The following SPECC1 variants were observed in gnomAD, a reference collection of about 807,000 sequenced individuals.
SPECC1 encodes the protein sperm antigen with calponin homology and coiled-coil domains 1, also known as cytospin-B.
In SPECC1, 62 loss-of-function variants were observed where a neutral mutation model predicts 104.1. The ratio of observed to expected loss-of-function variants is 0.60; its 90% CI spans 0.49 to 0.74. The LOEUF (loss-of-function observed/expected upper bound fraction) is 0.74. Ranked by LOEUF, SPECC1 falls within the 30% of genes least tolerant of loss-of-function variation. SPECC1 has a pLI of 0.00. For missense variants in SPECC1, 1,306 were observed against 1,310.5 expected, an observed-to-expected ratio of 1.00 and a Z score of 0.05; for synonymous variants, 513 against 501.6, an observed-to-expected ratio of 1.02 and a Z score of -0.30.
intron 14 of SPECC1, among the ~76,000 whole-genome samples, chr17:20,308,439 A>C (rs1041060846): frequency 1.8e-4 from 27 of 149,674 alleles, no homozygotes; most frequent in African/African-American, 6.2e-4. Flanking sequence ...CATGTGGGGA[A>C]TCTGAGAAAT....
At chr17:20,193,660 C>T (rs2035818037) in intron 3 of SPECC1, among the ~76,000 whole-genome samples, 1 of 152,154 alleles carries the variant, frequency 6.6e-6, no homozygotes, top group Non-Finnish European at 1.5e-5. Context: ...TTTAAGAAAA[C>T]ATTCAGTAAG....
rs371855748 is a variant in SPECC1, at chr17:20,216,262, T to C, written c.1863+10350T>C. Among the ~76,000 whole-genome samples, 39 of 151,642 alleles carry C rather than the reference T, an allele frequency of 2.6e-4. No homozygotes were observed. The East Asian group carries it at 5.3e-3, about 20-fold the overall frequency. ...TTAATATCTGCAGTCGGGGAGAGCA[T>C]CCCCCCCACCCCCAAGCACTTCCTC... is the stretch of plus-strand genomic sequence containing the variant. On this transcript the variant is annotated intron_variant, in intron 4 of 14. Coordinates refer to ENST00000395527, the MANE Select transcript of SPECC1 (RefSeq NM_001243439.2).
chr17:20,111,806 CAG>C, intron 3 of SPECC1: 2 of 770,866 alleles, frequency 2.6e-6, no homozygotes, highest in South Asian at 1.4e-5. Context: ...ACTCAGGACC[CAG>C]GGGGGGGGCA....
chr17:20,261,741 T>A (rs2526467), intron 12 of SPECC1, among the ~76,000 whole-genome samples: 107,814 of 152,208 alleles, frequency 0.71, 39,995 homozygotes, highest in East Asian at 0.99. Context: ...TTTCTGTGAA[T>A]ATCAGAAAAG....
chr17:20,224,375 G>A (rs1383460723), intron 4 of SPECC1, among the ~76,000 whole-genome samples: 1 of 152,146 alleles, frequency 6.6e-6, no homozygotes, highest in African/African-American at 2.4e-5. Flanking sequence ...CAAGGCCCAA[G>A]GGCCGTTTAA....
At chr17:20,093,936 G>A (rs1050259877) in intron 1 of SPECC1, among the ~76,000 whole-genome samples, 15 of 151,722 alleles carry the variant, frequency 9.9e-5, no homozygotes, top group Non-Finnish European at 1.3e-4. Flanking sequence ...TCACCATGTT[G>A]CCCAGGCTGG....
At chr17:20,046,026 A>G (rs200728513) in intron 1 of SPECC1, among the ~76,000 whole-genome samples, 2 of 149,596 alleles carry the variant, frequency 1.3e-5, no homozygotes, top group African/African-American at 4.9e-5. Context: ...AAAAAAAAAA[A>G]CCATTAGCAT....
At chr17:20,295,585 G>C (rs948648556) in intron 12 of SPECC1, among the ~76,000 whole-genome samples, 1 of 152,142 alleles carries the variant, frequency 6.6e-6, no homozygotes, top group African/African-American at 2.4e-5. Context: ...GATCCTTGAG[G>C]AATCACCACA....
At chr17:20,133,211 T>A (rs2049747520) in intron 3 of SPECC1, among the ~76,000 whole-genome samples, 1 of 152,174 alleles carries the variant, frequency 6.6e-6, no homozygotes, top group Non-Finnish European at 1.5e-5. Context: ...TTTGTCTCAC[T>A]CGTTTTTCTC....
chr17:20,149,998 A>G (rs995372444), intron 3 of SPECC1, among the ~76,000 whole-genome samples: 4 of 151,650 alleles, frequency 2.6e-5, no homozygotes, highest in African/African-American at 9.7e-5. Context: ...TCTGAGATGG[A>G]GTCTCACTCT....
At chr17:20,067,814 T>C (rs994938943) in intron 1 of SPECC1, among the ~76,000 whole-genome samples, 2 of 152,132 alleles carry the variant, frequency 1.3e-5, no homozygotes, top group African/African-American at 4.8e-5. Context: ...ACTGTCAAAT[T>C]CTAGAACATT....
chr17:20,079,226 GA>G lies in SPECC1; in HGVS notation c.-21-17404del, dbSNP rs537403904. 1.2e-3 allele frequency among the ~76,000 whole-genome samples: 181 copies of G among 152,310 alleles called. 1 individual carries two copies. Among genetic ancestry groups the G allele is most frequent in the African/African-American group, 4.2e-3 (175 of 41,558 alleles). ...GTTGCGTCCCCACACACGGCTCGTA[GA>G]CGCCCCCGAGGCACTGTGCTCCTCA... On this transcript the variant is annotated intron_variant, in intron 1 of 14. Coordinates refer to ENST00000395527, the MANE Select transcript of SPECC1 (RefSeq NM_001243439.2).
At chr17:20,186,019 G>T (rs2035250638) in intron 3 of SPECC1, among the ~76,000 whole-genome samples, 1 of 152,098 alleles carries the variant, frequency 6.6e-6, no homozygotes, top group South Asian at 2.1e-4. Context: ...GGTATTTTTA[G>T]TAGAGGCGGG....
chr17:20,032,686 C>T (rs1356140168), intron 1 of SPECC1, among the ~76,000 whole-genome samples: 1 of 151,334 alleles, frequency 6.6e-6, no homozygotes, highest in Non-Finnish European at 1.5e-5. Flanking sequence ...CTTTCCTTTC[C>T]TTTTTTAATC....
chr17:20,048,324 T>G (rs2045617028), intron 1 of SPECC1, among the ~76,000 whole-genome samples: 2 of 151,600 alleles, frequency 1.3e-5, no homozygotes, highest in South Asian at 2.1e-4. Context: ...TAGTAGAGAC[T>G]GGGTTTCACT....
At chr17:20,299,616 A>G (rs1277995734) in intron 13 of SPECC1, among the ~76,000 whole-genome samples, 1 of 152,018 alleles carries the variant, frequency 6.6e-6, no homozygotes, top group Non-Finnish European at 1.5e-5. Flanking sequence ...CATCTAGAAT[A>G]ATATTTGGCC....
intron 1 of SPECC1, among the ~76,000 whole-genome samples, chr17:20,029,117 T>C (rs2044710407): frequency 6.6e-6 from 1 of 152,216 alleles, no homozygotes; most frequent in Non-Finnish European, 1.5e-5. Context: ...TTGGAGAGCA[T>C]TGCCAGTAAT....
chr17:20,163,008 A>G (rs1392314567), intron 3 of SPECC1, among the ~76,000 whole-genome samples: 1 of 151,888 alleles, frequency 6.6e-6, no homozygotes, highest in Non-Finnish European at 1.5e-5. Context: ...AGCTTGGGCA[A>G]CAAGAGCAAA....
chr17:20,105,114 GGGA>G (rs768532063), intron 2 of SPECC1, among the ~76,000 whole-genome samples: 39 of 151,754 alleles, frequency 2.6e-4, no homozygotes, highest in Non-Finnish European at 5.9e-5. Flanking sequence ...GTGGGGGGGC[GGGA>G]GACAGGGTTT....
Sources: allele counts gnomAD v4.1 joint callset (sites outside exome capture counted in the v4.1 genomes callset), GRCh38; gene constraint gnomAD v4.1.1; transcripts MANE v1.5; gene names NCBI Gene and HGNC (gene_info 2026-07-23, HGNC 2026-07-21).